OSBPL10: variants seen among roughly 807,000 people sequenced by gnomAD.
OSBPL10 encodes oxysterol-binding protein-related protein 10.
In OSBPL10, 49 loss-of-function variants were observed where a neutral mutation model predicts 81.7. The observed-to-expected ratio is 0.60, with a 90% confidence interval of 0.48 to 0.76. The LOEUF (loss-of-function observed/expected upper bound fraction) is 0.76, where lower values mean the gene tolerates loss of function less well. Ranked by LOEUF, OSBPL10 falls within the 30% of genes least tolerant of loss-of-function variation. OSBPL10 has a pLI of 0.00. For synonymous variants in OSBPL10, 419 were observed against 383.6 expected, an observed-to-expected ratio of 1.09 and a Z score of -1.08; for missense variants, 923 against 987.8, an observed-to-expected ratio of 0.93 and a Z score of 0.88.
intron 6 of OSBPL10, among the ~76,000 whole-genome samples, chr3:31,717,732 T>C (rs1022369601): frequency 3.3e-5 from 5 of 152,258 alleles, no homozygotes; most frequent in East Asian, 1.9e-4. Context: ...TACTCAAATG[T>C]GAAATGATAC....
At chr3:31,772,752 G>A (rs187487264) in intron 4 of OSBPL10, among the ~76,000 whole-genome samples, 1 of 152,326 alleles carries the variant, frequency 6.6e-6, no homozygotes, top group Admixed American at 6.5e-5. Context: ...GTCTGGAAAT[G>A]ACCACAAAAG....
At chr3:32,046,795 T>G (rs1699626242) in intron 1 of OSBPL10, among the ~76,000 whole-genome samples, 1 of 152,218 alleles carries the variant, frequency 6.6e-6, no homozygotes, top group South Asian at 2.1e-4. Context: ...GAATAGCTAC[T>G]ATTATTATCC....
chr3:31,712,784 C>A (rs1696301929), intron 6 of OSBPL10, among the ~76,000 whole-genome samples: 1 of 152,216 alleles, frequency 6.6e-6, no homozygotes, highest in African/African-American at 2.4e-5. Flanking sequence ...CACCTAATGG[C>A]CATCTCAGAC....
At chr3:31,788,494 G>C (rs1263510700) in intron 4 of OSBPL10, among the ~76,000 whole-genome samples, 1 of 152,156 alleles carries the variant, frequency 6.6e-6, no homozygotes, top group African/African-American at 2.4e-5. Flanking sequence ...GGATAGGAAA[G>C]TTGGAAGAAA....
At position 31,797,857 on chromosome 3, in the gene OSBPL10, T is replaced by TG. The variant is rs548715077; in HGVS notation, c.729+32182dup. ...AAGCCTTCACCTATAAAAATGGGGA[T>TG]GGGGGGGTGAATGTTAGATAAAATA... On this transcript the variant is annotated intron_variant, in intron 4 of 11. Coordinates refer to ENST00000396556, the MANE Select transcript of OSBPL10 (RefSeq NM_017784.5). 4.1e-4 allele frequency: 185 copies of TG among 453,268 alleles called. 1 individual carries two copies. Among genetic ancestry groups the TG allele is most frequent in the South Asian group, 2.2e-3 (143 of 64,128 alleles). The allele number at this position is 453,268 out of a possible 1,614,324, so 28.1% of individuals were successfully genotyped here.
intron 4 of OSBPL10, among the ~76,000 whole-genome samples, chr3:31,778,196 A>C (rs1439890579): frequency 2.6e-5 from 4 of 152,200 alleles, no homozygotes; most frequent in Non-Finnish European, 4.4e-5. Flanking sequence ...TATTAGCAAG[A>C]CTGGCCTTGC....
chr3:31,688,308 C>CACAA (rs1700850934), intron 7 of OSBPL10, among the ~76,000 whole-genome samples: 1 of 151,308 alleles, frequency 6.6e-6, no homozygotes, highest in Non-Finnish European at 1.5e-5. Flanking sequence ...CACACACACA[C>CACAA]ACACACACAC....
chr3:31,891,155 G>A (rs1024150764), intron 1 of OSBPL10, among the ~76,000 whole-genome samples: 12 of 152,120 alleles, frequency 7.9e-5, no homozygotes, highest in African/African-American at 2.7e-4. Context: ...TTCTCTAGGG[G>A]CAACAAAGCA....
intron 3 of OSBPL10, among the ~76,000 whole-genome samples, chr3:31,835,347 G>A (rs959090462): frequency 2.0e-5 from 3 of 151,500 alleles, no homozygotes; most frequent in Admixed American, 1.3e-4. Flanking sequence ...TAATACTTGC[G>A]ATAAACAAAG....
intron 4 of OSBPL10, chr3:31,797,984 A>C: frequency 3.3e-6 from 1 of 303,524 alleles, no homozygotes; most frequent in Non-Finnish European, 6.6e-6. Context: ...ATCGTTCCAA[A>C]CTCTGGGTCC....
chr3:31,799,510 CTT>C (rs1699324181), intron 4 of OSBPL10, among the ~76,000 whole-genome samples: 1 of 151,180 alleles, frequency 6.6e-6, no homozygotes, highest in East Asian at 1.9e-4. Flanking sequence ...TTTAACCTCT[CTT>C]AGCCTCTAGT....
At chr3:31,856,729 G>C (rs1219226563) in intron 3 of OSBPL10, among the ~76,000 whole-genome samples, 1 of 152,202 alleles carries the variant, frequency 6.6e-6, no homozygotes, top group Non-Finnish European at 1.5e-5. Flanking sequence ...CTAGTGTATT[G>C]TTCAGTAAGA....
rs189137699 is a variant in OSBPL10, at chr3:31,816,579, C to G, written c.729+13461G>C. Among the ~76,000 whole-genome samples, 5 of 152,302 alleles carry G rather than the reference C, an allele frequency of 3.3e-5. No homozygotes were observed. In the East Asian group the frequency reaches 7.7e-4, roughly 24 times the overall value. On this transcript the variant is annotated intron_variant, in intron 4 of 11. Transcript: ENST00000396556. ...TCCAGATATTTGGTCAAACATTAAT[C>G]TGGGCCAGGCACAGTAGCTCATGCT... is the stretch of plus-strand genomic sequence containing the variant.
intron 1 of OSBPL10, among the ~76,000 whole-genome samples, chr3:31,939,637 T>C (rs564713036): frequency 7.9e-5 from 12 of 151,986 alleles, no homozygotes; most frequent in African/African-American, 2.7e-4. Context: ...AGCATGGCCA[T>C]AGTGACCAAA....
In OSBPL10 at chr3:31,989,062, A is replaced by G. The variant is rs762661353; in HGVS notation, n.298+57429T>C. The G allele has an allele frequency of 1.6e-5, 26 of 1,613,794 alleles. No individual in the cohort carries two copies. The South Asian group carries it at 2.3e-4, about 14-fold the overall frequency. The stretch of plus-strand genomic sequence containing the variant: ...TCAGTGAAGGTCACACTGCAGCACT[A>G]TTGATTTCTAAAGACTCATGTTACG... On this transcript the variant is annotated intron_variant and non_coding_transcript_variant, in intron 2 of 3. Transcript: ENST00000479173.
intron 3 of OSBPL10, among the ~76,000 whole-genome samples, chr3:31,836,751 A>T (rs2125543491): frequency 6.6e-6 from 1 of 152,024 alleles, no homozygotes; most frequent in Admixed American, 6.5e-5. Flanking sequence ...GTGACTTCAA[A>T]ACCTTCCACC....
At chr3:31,804,738 C>A (rs1412029950) in intron 4 of OSBPL10, among the ~76,000 whole-genome samples, 1 of 152,210 alleles carries the variant, frequency 6.6e-6, no homozygotes, top group Non-Finnish European at 1.5e-5. Flanking sequence ...TGACTGCCAA[C>A]AGCAATAAAC....
At chr3:31,760,828 C>T (rs1698011792) in intron 4 of OSBPL10, among the ~76,000 whole-genome samples, 1 of 152,176 alleles carries the variant, frequency 6.6e-6, no homozygotes, top group Non-Finnish European at 1.5e-5. Flanking sequence ...ACTTATTGCC[C>T]AATTCCCTAT....
In OSBPL10 at chr3:32,020,715, G is replaced by GA. The variant is rs1052194577; in HGVS notation, n.298+25775dup. On this transcript the variant is annotated intron_variant and non_coding_transcript_variant, in intron 2 of 3. Transcript: ENST00000479173. ...TCATTAATGAAAAACATCTCCAGGA[G>GA]AAAAAAAAAAAAGAAGACCTGGGAT... 4.8e-3 allele frequency among the ~76,000 whole-genome samples: 665 copies of GA among 138,096 alleles called. 6 individuals are homozygous for GA. Among genetic ancestry groups the GA allele is most frequent in the African/African-American group, 0.015 (557 of 37,846 alleles). The allele number at this position is 138,096 out of a possible 152,430, so 90.6% of individuals were successfully genotyped here.
Sources: gnomAD v4.1 joint callset for allele counts (sites outside exome capture counted in the v4.1 genomes callset) on GRCh38, gnomAD v4.1.1 for gene constraint, MANE v1.5 for transcripts, NCBI Gene and HGNC (gene_info 2026-07-23, HGNC 2026-07-21) for gene names.